The following TAOK3 variants were observed in gnomAD, a reference collection of about 807,000 sequenced individuals.
The protein encoded by TAOK3 is serine/threonine-protein kinase TAO3.
TAOK3 carries 40 observed loss-of-function variants against 120.4 expected under a neutral mutation model. The ratio of observed to expected loss-of-function variants is 0.33; its 90% CI spans 0.26 to 0.43. The LOEUF (loss-of-function observed/expected upper bound fraction) is 0.43. Ranked by LOEUF, TAOK3 falls within the 20% of genes least tolerant of loss-of-function variation. TAOK3 has a pLI of 1.00. For synonymous variants in TAOK3, 355 were observed against 387.5 expected (o/e 0.92, Z 0.99); for missense variants, 821 against 1,112.1 (o/e 0.74, Z 3.72).
intron 19 of TAOK3, 171 bp downstream of exon 19, chr12:118,159,975 A>G: frequency 1.6e-6 from 1 of 628,390 alleles, no homozygotes; most frequent in South Asian, 1.9e-5. Flanking sequence ...TCCAGCAAGT[A>G]TCCACATTGG....
At chr12:118,277,765 T>C (rs996768340) in intron 1 of TAOK3, among the ~76,000 whole-genome samples, 1 of 152,016 alleles carries the variant, frequency 6.6e-6, no homozygotes, top group Admixed American at 6.6e-5. Context: ...GGGCCCACCA[T>C]GTATTTTTTA....
chr12:118,286,479 A>G (rs924487120), intron 1 of TAOK3, among the ~76,000 whole-genome samples: 4 of 152,110 alleles, frequency 2.6e-5, no homozygotes, highest in Admixed American at 2.6e-4. Flanking sequence ...AAAATGCTCA[A>G]CATCACTAAT....
At chr12:118,297,504 G>A (rs532008998) in intron 1 of TAOK3, among the ~76,000 whole-genome samples, 221 of 152,218 alleles carry the variant, frequency 1.5e-3, no homozygotes, top group African/African-American at 5.0e-3. Flanking sequence ...GAGGCCTTCC[G>A]GGATTACCCT....
At position 118,253,952 on chromosome 12, in the gene TAOK3, C is replaced by T. The variant is rs542804609; in HGVS notation, c.120+1496G>A. Among the ~76,000 whole-genome samples, 11 of 150,198 alleles carry T rather than the reference C, an allele frequency of 7.3e-5. No individual in the cohort carries two copies. In the South Asian group the frequency reaches 1.3e-3, roughly 17 times the overall value. On this transcript the variant is annotated intron_variant, in intron 3 of 20. Transcript: ENST00000392533. ...TAATCCCAGCTATGTGGAAGGCTGA[C>T]GCAGGAGAATTGCTTGAACTGGGAT... is the stretch of plus-strand genomic sequence containing the variant.
intron 17 of TAOK3, among the ~76,000 whole-genome samples, chr12:118,171,513 T>A (rs1175106221): frequency 6.6e-6 from 1 of 152,130 alleles, no homozygotes; most frequent in East Asian, 1.9e-4. Context: ...TGCACCACCA[T>A]GCCCAGGTAA....
chr12:118,194,292 T>C (rs2037590703), intron 13 of TAOK3, among the ~76,000 whole-genome samples: 1 of 152,094 alleles, frequency 6.6e-6, no homozygotes, highest in South Asian at 2.1e-4. Context: ...ATTAAATTAT[T>C]GTCGAAGCAG....
chr12:118,238,202 G>T (rs375801579), intron 6 of TAOK3, 33 bp from the exon 7 acceptor site: 2 of 1,305,818 alleles, frequency 1.5e-6, no homozygotes, highest in South Asian at 1.2e-5. Flanking sequence ...GTCAGTAGAT[G>T]ATCAGTTTCA....
rs910936703 is a variant in TAOK3 at position 118,189,793 on chromosome 12, G to C, written c.1329+14C>G. The C allele has an allele frequency of 3.7e-6, 6 of 1,613,918 alleles. No homozygotes were observed. Among genetic ancestry groups the C allele is most frequent in the Non-Finnish European group, 5.1e-6 (6 of 1,179,976 alleles). On this transcript the variant is annotated intron_variant, in intron 14 of 20. Transcript: ENST00000392533. ...GGGAAGGAAGGGAAGGTGGGTAGAG[G>C]GGTGTTTGCTTACCAAAGATGCTGA...
intron 11 of TAOK3, among the ~76,000 whole-genome samples, chr12:118,207,132 G>A (rs572715092): frequency 6.6e-6 from 1 of 151,980 alleles, no homozygotes; most frequent in African/African-American, 2.4e-5. Context: ...TTCGAGACCA[G>A]CCTGACCAAC....
At chr12:118,362,281 C>T (rs2045620963) in intron 1 of TAOK3, among the ~76,000 whole-genome samples, 1 of 117,718 alleles carries the variant, frequency 8.5e-6, no homozygotes. Flanking sequence ...TTGGGCCACA[C>T]ATAAAATACA....
intron 13 of TAOK3, among the ~76,000 whole-genome samples, chr12:118,196,679 C>T (rs745340978): frequency 6.6e-6 from 1 of 152,162 alleles, no homozygotes; most frequent in Non-Finnish European, 1.5e-5. Context: ...TTAACTTTCT[C>T]AAACTGTAAA....
At chr12:118,368,951 G>A (rs1157464039) in intron 1 of TAOK3, among the ~76,000 whole-genome samples, 2 of 148,946 alleles carry the variant, frequency 1.3e-5, no homozygotes, top group African/African-American at 2.5e-5. Context: ...TTGAGCTCAG[G>A]AGATTGAGAC....
chr12:118,269,441 G>T (rs1469566591), intron 1 of TAOK3, among the ~76,000 whole-genome samples: 1 of 140,378 alleles, frequency 7.1e-6, no homozygotes, highest in Non-Finnish European at 1.5e-5. Flanking sequence ...TGCAGTATCG[G>T]CTTACTGCAA....
chr12:118,245,032 T>C, intron 3 of TAOK3, 67 bp from the exon 4 acceptor site: 1 of 1,043,646 alleles, frequency 9.6e-7, no homozygotes, highest in Non-Finnish European at 1.4e-6. Context: ...AACTTAAATA[T>C]TTGACTAGAG....
chr12:118,328,168 C>G (rs967130442), intron 1 of TAOK3, among the ~76,000 whole-genome samples: 1 of 151,776 alleles, frequency 6.6e-6, no homozygotes, highest in Non-Finnish European at 1.5e-5. Context: ...TCAAGTGATT[C>G]TCCTACCTCA....
At chr12:118,192,554 A>G (rs2139121181) in intron 13 of TAOK3, among the ~76,000 whole-genome samples, 1 of 152,374 alleles carries the variant, frequency 6.6e-6, no homozygotes, top group East Asian at 1.9e-4. Flanking sequence ...TTGGGAAATG[A>G]ATTTTAATAT....
At chr12:118,174,489 G>A (rs1334640339) in intron 16 of TAOK3, among the ~76,000 whole-genome samples, 1 of 151,668 alleles carries the variant, frequency 6.6e-6, no homozygotes, top group East Asian at 1.9e-4. Context: ...AGGACTGAGT[G>A]GGGACTCTTA....
At chr12:118,367,248 A>G (rs1760377550) in intron 1 of TAOK3, among the ~76,000 whole-genome samples, 1 of 152,190 alleles carries the variant, frequency 6.6e-6, no homozygotes, top group Non-Finnish European at 1.5e-5. Flanking sequence ...AATTAGAAAT[A>G]ACTTAGAAAG....
At chr12:118,281,429 G>GA (rs533530132) in intron 1 of TAOK3, among the ~76,000 whole-genome samples, 1 of 152,014 alleles carries the variant, frequency 6.6e-6, no homozygotes, top group Non-Finnish European at 1.5e-5. Flanking sequence ...TGTTTTACAT[G>GA]AAAAAAATTA....
Sources: allele counts gnomAD v4.1 joint callset (sites outside exome capture counted in the v4.1 genomes callset), GRCh38; gene constraint gnomAD v4.1.1; transcripts MANE v1.5; gene names NCBI Gene and HGNC (gene_info 2026-07-23, HGNC 2026-07-21).